FYB1: variants seen among roughly 807,000 people sequenced by gnomAD.
FYB1 encodes FYN binding protein 1, also known as FYN-binding protein 1.
In FYB1, 41 loss-of-function variants were observed where a neutral mutation model predicts 94.1. The ratio of observed to expected loss-of-function variants is 0.44; its 90% CI spans 0.34 to 0.57. The LOEUF (loss-of-function observed/expected upper bound fraction) is 0.57. Among genes scored for constraint, FYB1 ranks in the 20% least tolerant of loss-of-function variants. FYB1 has a pLI of 0.02. For synonymous variants in FYB1, 367 were observed against 353.2 expected, an observed-to-expected ratio of 1.04 and a Z score of -0.44; for missense variants, 1,050 against 976.8, an observed-to-expected ratio of 1.07 and a Z score of -1.00.
chr5:39,132,361 C>T (rs531568401), intron 9 of FYB1, among the ~76,000 whole-genome samples: 6 of 152,322 alleles, frequency 3.9e-5, no homozygotes, highest in Non-Finnish European at 5.9e-5. Flanking sequence ...CTGCCCGCAG[C>T]AGCTGCAGTT....
At chr5:39,126,312 T>G (rs1740665696) in intron 11 of FYB1, among the ~76,000 whole-genome samples, 177 bp from the exon 12 acceptor site, 1 of 149,862 alleles carries the variant, frequency 6.7e-6, no homozygotes, top group Non-Finnish European at 1.5e-5. Flanking sequence ...TCATGGTGAT[T>G]GAATACTGCT....
rs148097058 is a variant in FYB1, at chr5:39,198,791, T to G, written c.1135+3035A>C. The stretch of plus-strand genomic sequence containing the variant: ...GTTTTCAGTTTATAATATTTCCAAC[T>G]TAAGAATGTTTATAAGGATGTAACC... On this transcript the variant is annotated intron_variant, in intron 2 of 18. Transcript: ENST00000512982. 2.0e-3 allele frequency among the ~76,000 whole-genome samples: 302 copies of G among 152,260 alleles called. 2 individuals carry two copies. Among genetic ancestry groups the G allele is most frequent in the African/African-American group, 6.8e-3 (284 of 41,552 alleles).
At chr5:39,236,104 C>G (rs1750954566) in intron 1 of FYB1, among the ~76,000 whole-genome samples, 1 of 151,822 alleles carries the variant, frequency 6.6e-6, no homozygotes, top group Non-Finnish European at 1.5e-5. Flanking sequence ...TAGATAAATT[C>G]TAGGTGTGCC....
chr5:39,216,392 T>G (rs1328228627), intron 1 of FYB1, among the ~76,000 whole-genome samples: 2 of 152,158 alleles, frequency 1.3e-5, no homozygotes. Flanking sequence ...CACTCTTTTG[T>G]TTATTTGTTT....
intron 1 of FYB1, among the ~76,000 whole-genome samples, chr5:39,240,232 C>T (rs1196109872): frequency 6.6e-6 from 1 of 152,134 alleles, no homozygotes; most frequent in Admixed American, 6.5e-5. Context: ...GGAAGATAAC[C>T]TAGGAAATAC....
chr5:39,176,710 C>T (rs779567467), intron 2 of FYB1, among the ~76,000 whole-genome samples: 6 of 152,036 alleles, frequency 3.9e-5, no homozygotes, highest in East Asian at 1.9e-4. Flanking sequence ...GAAACAAAGA[C>T]GAAAACATTA....
chr5:39,134,484 C>T (rs866936897), intron 8 of FYB1, 135 bp from the exon 9 acceptor site: 2 of 815,818 alleles, frequency 2.5e-6, no homozygotes, highest in South Asian at 4.1e-5. Context: ...ATTTGTAGAC[C>T]TCCCAAGTAG....
chr5:39,256,068 T>C (rs1286202554), intron 1 of FYB1, among the ~76,000 whole-genome samples: 1 of 152,194 alleles, frequency 6.6e-6, no homozygotes, highest in East Asian at 1.9e-4. Flanking sequence ...ATTACAAGTA[T>C]TTATGGGGGC....
chr5:39,110,490 A>G (rs1442068717), intron 16 of FYB1, 101 bp from the exon 17 acceptor site: 4 of 662,914 alleles, frequency 6.0e-6, no homozygotes, highest in African/African-American at 5.6e-5. Context: ...ATCATAGTAT[A>G]TTGAATAATT....
intron 11 of FYB1, among the ~76,000 whole-genome samples, chr5:39,126,813 C>G (rs2150299584): frequency 6.6e-6 from 1 of 150,606 alleles, no homozygotes; most frequent in South Asian, 2.1e-4. Context: ...AATCCCAGCA[C>G]TTTGGGAGGC....
chr5:39,204,615 T>G (rs1306377337), intron 1 of FYB1, among the ~76,000 whole-genome samples: 2 of 152,132 alleles, frequency 1.3e-5, no homozygotes, highest in Admixed American at 1.3e-4. Flanking sequence ...AATGTCTCAT[T>G]TCTTTTTGTA....
rs147171599 is a variant in FYB1, at chr5:39,125,693, T to A, written c.2045+305A>T. On this transcript the variant is annotated intron_variant, in intron 12 of 18. Coordinates refer to ENST00000512982, the MANE Select transcript of FYB1 (RefSeq NM_001465.6). ...GTGTGTCAGTGTTTGTGTATGACTGTGTGGATGAGCGTGAGAGGGTATGTG... is the reference window on the plus strand; with the variant it reads ...GTGTGTCAGTGTTTGTGTATGACTGAGTGGATGAGCGTGAGAGGGTATGTG... 6.3e-4 allele frequency among the ~76,000 whole-genome samples: 96 copies of A among 152,280 alleles called. 2 individuals are homozygous for A. The highest frequency in any genetic ancestry group is 2.3e-3 in the African/African-American group (94 of 41,572).
intron 2 of FYB1, among the ~76,000 whole-genome samples, chr5:39,157,982 G>T (rs1743909651): frequency 1.3e-5 from 2 of 152,106 alleles, no homozygotes; most frequent in South Asian, 4.1e-4. Context: ...GCTTCAAGAA[G>T]GACATAATAG....
At position 39,126,107 on chromosome 5, in the gene FYB1, T is replaced by G. The variant is rs1386075052; in HGVS notation, c.1936A>C (p.Asn646His). 1 of 1,613,552 alleles carries G rather than the reference T, an allele frequency of 6.2e-7. No homozygotes were observed. The highest frequency in any genetic ancestry group is 8.5e-7 in the Non-Finnish European group (1 of 1,179,640). ...GSTLQVQEKS[N>H]TWSWGILKML... The stretch of plus-strand genomic sequence containing the variant: ...TTCAAAATCCCCCAGGACCACGTAT[T>G]ACTCTTCTCTTGAACCTGTAGTGTG... Residue 646 changes from asparagine to histidine, a missense_variant, in exon 12 of 19, where the codon AAT becomes CAT. Transcript: ENST00000512982.
intron 1 of FYB1, among the ~76,000 whole-genome samples, chr5:39,241,875 T>C (rs1001431761): frequency 6.6e-6 from 1 of 152,134 alleles, no homozygotes; most frequent in Non-Finnish European, 1.5e-5. Context: ...TAAAGATTTG[T>C]TCATAGAATT....
At chr5:39,217,261 T>C (rs1749938177) in intron 1 of FYB1, among the ~76,000 whole-genome samples, 1 of 152,228 alleles carries the variant, frequency 6.6e-6, no homozygotes, top group Admixed American at 6.5e-5. Flanking sequence ...GTACAAGGTT[T>C]AGAACACAAC....
At chr5:39,196,909 T>C (rs944586248) in intron 2 of FYB1, among the ~76,000 whole-genome samples, 2 of 152,214 alleles carry the variant, frequency 1.3e-5, no homozygotes, top group Admixed American at 1.3e-4. Context: ...ATTCATGGCT[T>C]GAGAGGAATA....
At chr5:39,129,068 T>G (rs951725374) in intron 10 of FYB1, among the ~76,000 whole-genome samples, 1 of 151,942 alleles carries the variant, frequency 6.6e-6, no homozygotes, top group Admixed American at 6.6e-5. Flanking sequence ...CTCCCTGATT[T>G]TGTGTTGTAA....
chr5:39,133,714 A>G (rs1348655080), intron 9 of FYB1, among the ~76,000 whole-genome samples: 1 of 152,120 alleles, frequency 6.6e-6, no homozygotes, highest in Non-Finnish European at 1.5e-5. Flanking sequence ...TTGGACCCTT[A>G]ATTGATACCT....
Sources: allele counts gnomAD v4.1 joint callset (sites outside exome capture counted in the v4.1 genomes callset), GRCh38; gene constraint gnomAD v4.1.1; transcripts MANE v1.5; gene names NCBI Gene and HGNC (gene_info 2026-07-23, HGNC 2026-07-21).